The following GFI1B variants were observed in gnomAD, a reference collection of about 807,000 sequenced individuals.
The protein encoded by GFI1B is zinc finger protein Gfi-1b.
In GFI1B, 20 loss-of-function variants were observed where a neutral mutation model predicts 35.3. The observed-to-expected ratio is 0.57, with a 90% CI of 0.40 to 0.82. GFI1B has a LOEUF of 0.82. Among genes scored for constraint, GFI1B ranks in the 40% least tolerant of loss-of-function variants. The probability of loss-of-function intolerance (pLI) is 0.00; values close to 1 mark genes in which losing one functional copy is unlikely to be tolerated. For synonymous variants in GFI1B, 178 were observed against 177.6 expected (o/e 1.00, Z -0.02); for missense variants, 430 against 446.3 (o/e 0.96, Z 0.33).
chr9:132,959,779 C>T (rs1046006474), intron 1 of GFI1B, among the ~76,000 whole-genome samples: 11 of 152,204 alleles, frequency 7.2e-5, no homozygotes, highest in African/African-American at 2.7e-4. Flanking sequence ...CTTGGTGTTC[C>T]TTGGCTGTGG....
chr9:132,988,428 C>G lies in GFI1B; in HGVS notation c.470C>G (p.Ser157Cys). The G allele has an allele frequency of 1.2e-6, 2 of 1,614,002 alleles. No individual in the cohort carries two copies. Among genetic ancestry groups the G allele is most frequent in the South Asian group, 1.1e-5 (1 of 91,086 alleles). The stretch of plus-strand genomic sequence containing the variant: ...GCCTTGGACTTCAGCCTCCGCTACT[C>G]CCCAGGCATGGATGCGTACCACTGT... ...EPALDFSLRY[S>C]PGMDAYHCVK... The change falls in exon 4 of 7, where the codon TCC becomes TGC. Residue 157 changes from serine to cysteine, a missense_variant. Coordinates refer to ENST00000372122, the MANE Select transcript of GFI1B (RefSeq NM_001377304.1).
intron 1 of GFI1B, among the ~76,000 whole-genome samples, chr9:132,970,838 C>T (rs563472411): frequency 7.6e-4 from 116 of 152,138 alleles, no homozygotes; most frequent in Non-Finnish European, 1.4e-3. Flanking sequence ...AACACCAATG[C>T]GGAAGTCATC....
chr9:132,960,517 GA>G (rs1848345861), intron 1 of GFI1B, among the ~76,000 whole-genome samples: 1 of 151,900 alleles, frequency 6.6e-6, no homozygotes, highest in African/African-American at 2.4e-5. Context: ...TGTATTTATT[GA>G]GACAGGATCT....
Position 132,983,496 on chromosome 9 carries a change from G to A in GFI1B, c.-20-3163G>A, listed in dbSNP as rs1588432645. ...AGGTGTGAGCCACTGCACCCGGCCT[G>A]ATTTTTCTCCCCTCTTGCCCCAGCA... On this transcript the variant is annotated intron_variant, in intron 1 of 6. Coordinates refer to ENST00000372122, the MANE Select transcript of GFI1B (RefSeq NM_001377304.1). Among the ~76,000 whole-genome samples, 3 of 152,106 alleles carry A rather than the reference G, an allele frequency of 2.0e-5. No individual in the cohort carries two copies. In the South Asian group the frequency reaches 6.2e-4, roughly 31 times the overall value.
rs1173095051 is a variant in GFI1B at position 132,989,980 on chromosome 9, C to G, written c.814+73C>G. ...CTTTCCCTGAGAGATGCATCAGAGG[C>G]CCCCAGCGTGAGGCTGGGGGCGGGG... On this transcript the variant is annotated intron_variant, in intron 6 of 6. Coordinates refer to ENST00000372122, the MANE Select transcript of GFI1B (RefSeq NM_001377304.1). This position sits in a 1 kb window ranked among gnomAD's most constrained non-coding sequence, Gnocchi z 6.2. 1.5e-6 allele frequency: 2 copies of G among 1,355,526 alleles called. No individual in the cohort carries two copies. The highest frequency in any genetic ancestry group is 1.0e-6 in the Non-Finnish European group (1 of 952,388). 84.0% of individuals were successfully genotyped at this position (1,355,526 alleles called of 1,614,324 possible).
Position 132,988,086 on chromosome 9 carries a change from C to A in GFI1B, c.239-111C>A, listed in dbSNP as rs1849141856. On this transcript the variant is annotated intron_variant, in intron 3 of 6. Coordinates refer to ENST00000372122, the MANE Select transcript of GFI1B (RefSeq NM_001377304.1). ...GTCTTGAACTCCCGACCTCAAGTGACCCACTTGCCTCAGCCTCCCAAAGTG... is the reference window on the plus strand; with the variant it reads ...GTCTTGAACTCCCGACCTCAAGTGAACCACTTGCCTCAGCCTCCCAAAGTG... 9.6e-6 allele frequency: 9 copies of A among 939,774 alleles called. No homozygotes were observed. The South Asian group carries it at 1.1e-4, about 11-fold the overall frequency. The allele number at this position is 939,774 out of a possible 1,614,324, so 58.2% of individuals were successfully genotyped here.
rs554308818 is a variant in GFI1B, at chr9:132,972,408, C to T, written c.-700-317C>T. Among the ~76,000 whole-genome samples the T allele has an allele frequency of 7.4e-3, 1,116 of 151,794 alleles. 14 individuals are homozygous for T. Among genetic ancestry groups the T allele is most frequent in the African/African-American group, 0.024 (1,000 of 41,376 alleles). ...CTGCACTCCAGCCTGGGCAACAGAG[C>T]TAGACTCCGTTTCAAAAACAAACAA... On this transcript the variant is annotated intron_variant, in intron 1 of 10. Transcript: ENST00000339463.
At chr9:132,991,720 CCT>C (rs1849300051), downstream of GFI1B, 1 of 156,016 alleles carries the variant, frequency 6.4e-6, no homozygotes, top group Non-Finnish European at 1.4e-5. Context: ...TTATTAAGTG[CCT>C]ATGAGGTCCA....
intron 1 of GFI1B, among the ~76,000 whole-genome samples, chr9:132,983,450 C>T (rs1848908994): frequency 6.6e-6 from 1 of 152,072 alleles, no homozygotes; most frequent in Non-Finnish European, 1.5e-5. Flanking sequence ...CCGCCTCGGC[C>T]TCCCAAAATG....
At chr9:132,964,533 G>T (rs1006918752) in intron 1 of GFI1B, among the ~76,000 whole-genome samples, 5 of 152,128 alleles carry the variant, frequency 3.3e-5, no homozygotes, top group African/African-American at 1.2e-4. Context: ...TGACGGGCGG[G>T]TTCTCATGCA....
Position 132,990,880 on chromosome 9 carries a change from C to G in GFI1B, c.823C>G (p.Pro275Ala). The G allele has an allele frequency of 6.2e-7, 1 of 1,614,218 alleles. No homozygotes were observed. The highest frequency in any genetic ancestry group is 1.1e-5 in the South Asian group (1 of 91,086). Reference protein sequence around the residue: ...KHTYIHTGEKPHKCQVCGKAF... With the variant: ...KHTYIHTGEKAHKCQVCGKAF... Reference sequence around the variant, plus strand: ...CGCTGCCCTCCCTGCAGGTGAGAAGCCGCACAAGTGCCAGGTGTGCGGAAA... The same window carrying G: ...CGCTGCCCTCCCTGCAGGTGAGAAGGCGCACAAGTGCCAGGTGTGCGGAAA... Residue 275 changes from proline (P) to alanine (A), a missense_variant, in exon 7 of 7, where the codon CCG becomes GCG. Transcript: ENST00000372122.
Position 132,989,737 on chromosome 9 carries a change from G to T in GFI1B, c.649-5G>T, listed in dbSNP as rs769624853. ...GACCCCCCGGGGCCTCATTTCCTCC[G>T]GCAGGAGCGCAGCTTCGAGTGCCGC... On this transcript the variant is annotated splice_region_variant and splice_polypyrimidine_tract_variant and intron_variant, in intron 5 of 6. Transcript: ENST00000372122. The surrounding 1 kb of genome is among the most constrained non-coding windows in gnomAD (Gnocchi z 6.2). 2 of 1,613,534 alleles carry T rather than the reference G, an allele frequency of 1.2e-6. No homozygotes were observed. Among genetic ancestry groups the T allele is most frequent in the Admixed American group, 1.7e-5 (1 of 59,992 alleles).
At chr9:132,988,588 T>TC in intron 4 of GFI1B, 120 bp downstream of exon 4, 2 of 907,090 alleles carry the variant, frequency 2.2e-6, no homozygotes, top group Non-Finnish European at 3.4e-6. Flanking sequence ...GGATTAAGGA[T>TC]TCAAAACGTT....
chr9:132,985,313 C>T (rs1188086079), intron 1 of GFI1B, among the ~76,000 whole-genome samples: 1 of 152,164 alleles, frequency 6.6e-6, no homozygotes, highest in Non-Finnish European at 1.5e-5. Context: ...CCTGTCACTC[C>T]CTGACTCTGC....
In GFI1B at chr9:132,989,665, C is replaced by T. The variant is rs1214184282; in HGVS notation, c.649-77C>T. 2 of 1,234,286 alleles carry T rather than the reference C, an allele frequency of 1.6e-6. No homozygotes were observed. The highest frequency in any genetic ancestry group is 1.5e-5 in the African/African-American group (1 of 67,488). 76.5% of individuals were successfully genotyped at this position (1,234,286 alleles called of 1,614,324 possible). ...CTCCAGGCCGCCCCAATGGAGTGTC[C>T]TGTTCCGCAGGGGATCCCGGCCGGG... On this transcript the variant is annotated intron_variant, in intron 5 of 6. Coordinates refer to ENST00000372122, the MANE Select transcript of GFI1B (RefSeq NM_001377304.1). The surrounding 1 kb of genome is among the most constrained non-coding windows in gnomAD (Gnocchi z 6.2).
upstream of GFI1B, among the ~76,000 whole-genome samples, chr9:132,978,029 A>T (rs2132618759): frequency 6.9e-6 from 1 of 144,714 alleles, no homozygotes; most frequent in African/African-American, 2.5e-5. Flanking sequence ...GCCTCTATGC[A>T]TGTGGCCGGC....
Position 132,989,673 on chromosome 9 carries a change from C to T in GFI1B, c.649-69C>T. 7.4e-7 allele frequency: 1 copy of T among 1,346,620 alleles called. No individual in the cohort carries two copies. The highest frequency in any genetic ancestry group is 1.2e-5 in the South Asian group (1 of 83,432). 83.4% of individuals were successfully genotyped at this position (1,346,620 alleles called of 1,614,324 possible). ...CGCCCCAATGGAGTGTCCTGTTCCGCAGGGGATCCCGGCCGGGTCCAGTCC... is the reference window on the plus strand; with the variant it reads ...CGCCCCAATGGAGTGTCCTGTTCCGTAGGGGATCCCGGCCGGGTCCAGTCC... On this transcript the variant is annotated intron_variant, in intron 5 of 6. Coordinates refer to ENST00000372122, the MANE Select transcript of GFI1B (RefSeq NM_001377304.1). This position sits in a 1 kb window ranked among gnomAD's most constrained non-coding sequence, Gnocchi z 6.2.
intron 1 of GFI1B, among the ~76,000 whole-genome samples, chr9:132,950,981 G>C (rs1012771088): frequency 2.0e-5 from 3 of 151,924 alleles, no homozygotes; most frequent in African/African-American, 7.3e-5. Context: ...GGGACCACAG[G>C]AGTGTGGTAT....
chr9:132,990,833 T>C, intron 6 of GFI1B, 39 bp from the exon 7 acceptor site: 1 of 1,608,074 alleles, frequency 6.2e-7, no homozygotes, highest in African/African-American at 1.3e-5. Flanking sequence ...GAGGAGGCCC[T>C]GACCCCGCCC....
Sources: allele counts gnomAD v4.1 joint callset (sites outside exome capture counted in the v4.1 genomes callset), GRCh38; gene constraint gnomAD v4.1.1; non-coding constraint Gnocchi (gnomAD v3.1); transcripts MANE v1.5; gene names NCBI Gene and HGNC (gene_info 2026-07-23, HGNC 2026-07-21).